UBE2W: variants seen among roughly 807,000 people sequenced by gnomAD.
UBE2W encodes the protein ubiquitin conjugating enzyme E2 W.
A neutral mutation model predicts 27.2 loss-of-function variants in UBE2W; 18 were observed. The observed-to-expected ratio is 0.66, with a 90% CI of 0.46 to 0.98. The LOEUF is 0.98. UBE2W is among the 50% of genes least tolerant of loss of function. UBE2W has a pLI of 0.00. For missense variants in UBE2W, 90 were observed against 180.2 expected (o/e 0.50, Z 2.87); for synonymous variants, 53 against 57.2 (o/e 0.93, Z 0.33).
chr8:73,822,180 A>G (rs1373349096), intron 3 of UBE2W, among the ~76,000 whole-genome samples: 1 of 152,134 alleles, frequency 6.6e-6, no homozygotes, highest in Non-Finnish European at 1.5e-5. Flanking sequence ...TCTCAACTGC[A>G]CAACCCCTAC....
intron 1 of UBE2W, chr8:73,831,277 T>G (rs541263808): frequency 6.7e-4 from 168 of 250,370 alleles, no homozygotes; most frequent in Non-Finnish European, 7.8e-5. Flanking sequence ...GAAGAAAATA[T>G]TTTGTTTTGG....
Position 73,791,490 on chromosome 8 carries a change from G to C in UBE2W, c.*2612C>G, listed in dbSNP as rs1488747694. ...GTGCCCCACGAGGAAATGCAGGGAG[G>C]AGGCAAGTAGCATATTCCTATATAC... On this transcript the variant is annotated 3_prime_UTR_variant, in exon 6 of 6. Coordinates refer to ENST00000602593, the MANE Select transcript of UBE2W (RefSeq NM_018299.6). 2.0e-6 allele frequency: 2 copies of C among 985,230 alleles called. No homozygotes were observed. Among genetic ancestry groups the C allele is most frequent in the Non-Finnish European group, 2.4e-6 (2 of 829,824 alleles). 61.0% of individuals were successfully genotyped at this position (985,230 alleles called of 1,614,324 possible).
At position 73,871,315 on chromosome 8, in the gene UBE2W, A is replaced by G. The variant is rs199640091; in HGVS notation, c.15+7493T>C. 2.2e-4 allele frequency among the ~76,000 whole-genome samples: 34 copies of G among 152,354 alleles called. 1 individual carries two copies. The East Asian group carries it at 6.4e-3, about 29-fold the overall frequency. ...GAGCAAATGGAATGAAGTTGCCTAT[A>G]TACCAACATGGGGAGTACTACAGAA... On this transcript the variant is annotated intron_variant, in intron 1 of 5. Coordinates refer to ENST00000602593, the MANE Select transcript of UBE2W (RefSeq NM_018299.6).
intron 2 of UBE2W, among the ~76,000 whole-genome samples, chr8:73,830,140 T>C (rs1810012160): frequency 6.8e-6 from 1 of 146,306 alleles, no homozygotes; most frequent in Non-Finnish European, 1.5e-5. Flanking sequence ...TTAAACAAAA[T>C]TTTTTAAAAA....
chr8:73,811,575 A>C (rs1809156579), intron 3 of UBE2W, among the ~76,000 whole-genome samples: 1 of 152,190 alleles, frequency 6.6e-6, no homozygotes, highest in Non-Finnish European at 1.5e-5. Flanking sequence ...CAAACAAAAA[A>C]ACAAAAGAAC....
rs964917187 is a variant in UBE2W at position 73,859,151 on chromosome 8, C to T, written c.15+19657G>A. Among the ~76,000 whole-genome samples the T allele has an allele frequency of 3.3e-5, 5 of 152,124 alleles. No individual in the cohort carries two copies. The East Asian group carries it at 9.6e-4, about 29-fold the overall frequency. ...CATGGATTTTCTTCTGCCTTTGTCA[C>T]TCCTGAGACAGCAAGACCAAACCCT... is the stretch of plus-strand genomic sequence containing the variant. On this transcript the variant is annotated intron_variant, in intron 1 of 5. Transcript: ENST00000602593.
chr8:73,869,367 G>C (rs1049521046), intron 1 of UBE2W, among the ~76,000 whole-genome samples: 1 of 152,100 alleles, frequency 6.6e-6, no homozygotes, highest in Non-Finnish European at 1.5e-5. Flanking sequence ...GACCAGCCTG[G>C]CCAACATGGT....
chr8:73,832,571 T>C (rs1453438827), intron 1 of UBE2W, among the ~76,000 whole-genome samples: 2 of 152,252 alleles, frequency 1.3e-5, no homozygotes, highest in African/African-American at 4.8e-5. Context: ...AAAGCAGTTA[T>C]GACGAATAGG....
Position 73,790,805 on chromosome 8 carries a change from C to A in UBE2W, c.*3297G>T. 2.0e-6 allele frequency: 2 copies of A among 983,862 alleles called. No homozygotes were observed. The highest frequency in any genetic ancestry group is 2.4e-6 in the Non-Finnish European group (2 of 828,558). The allele number at this position is 983,862 out of a possible 1,614,324, so 60.9% of individuals were successfully genotyped here. ...ACATAACCATTTTCATATCACTACT[C>A]ATTTCCATTATTTACCAATTCATCT... On this transcript the variant is annotated 3_prime_UTR_variant, in exon 6 of 6. Transcript: ENST00000602593.
At position 73,866,285 on chromosome 8, in the gene UBE2W, AAAAAAATATATATATATAT is replaced by A. The variant is rs1286651225; in HGVS notation, c.15+12504_15+12522del. ...ACTTGGTCTAAAAAAAAAAAAAAAA[AAAAAAATATATATATATAT>A]ATATATATATATATACTCAGCAATA... On this transcript the variant is annotated intron_variant, in intron 1 of 5. Coordinates refer to ENST00000602593, the MANE Select transcript of UBE2W (RefSeq NM_018299.6). 1.9e-5 allele frequency among the ~76,000 whole-genome samples: 2 copies of A among 107,852 alleles called. 1 individual carries two copies. Among genetic ancestry groups the A allele is most frequent in the South Asian group, 5.8e-4 (2 of 3,432 alleles). The allele number at this position is 107,852 out of a possible 152,430, so 70.8% of individuals were successfully genotyped here.
At chr8:73,856,640 C>A (rs990191948) in intron 1 of UBE2W, among the ~76,000 whole-genome samples, 1 of 152,104 alleles carries the variant, frequency 6.6e-6, no homozygotes, top group African/African-American at 2.4e-5. Flanking sequence ...CAGGCATGAG[C>A]CACTGTGTCT....
chr8:73,849,614 A>G (rs1438914676), intron 1 of UBE2W, among the ~76,000 whole-genome samples: 1 of 151,798 alleles, frequency 6.6e-6, no homozygotes, highest in African/African-American at 2.4e-5. Flanking sequence ...TCAATCCAAA[A>G]TAAGGAAAGA....
chr8:73,814,763 G>A lies in UBE2W; in HGVS notation c.211-4134C>T, dbSNP rs936718595. Among the ~76,000 whole-genome samples the A allele has an allele frequency of 1.7e-4, 26 of 152,226 alleles. No homozygotes were observed. In the South Asian group the frequency reaches 4.4e-3, roughly 26 times the overall value. ...TCTCAAACTCCTGACCTTGTGATCC[G>A]CCCGCCTCGGCTTCCCAGAGTGCTG... On this transcript the variant is annotated intron_variant, in intron 3 of 5. Transcript: ENST00000602593.
In UBE2W at chr8:73,788,686, T is replaced by C; in HGVS notation, c.*5416A>G. On this transcript the variant is annotated 3_prime_UTR_variant, in exon 6 of 6. Coordinates refer to ENST00000602593, the MANE Select transcript of UBE2W (RefSeq NM_018299.6). ...CCAGAAAATCTGACAAGTGATGTCA[T>C]TTTGAAATCATGCTTTTGCCTTTGA... is the stretch of plus-strand genomic sequence containing the variant. 1 of 985,456 alleles carries C rather than the reference T, an allele frequency of 1.0e-6. No homozygotes were observed. 61.0% of individuals were successfully genotyped at this position (985,456 alleles called of 1,614,324 possible).
intron 1 of UBE2W, among the ~76,000 whole-genome samples, chr8:73,842,738 T>C (rs1057274112): frequency 3.9e-5 from 6 of 152,096 alleles, no homozygotes; most frequent in African/African-American, 1.4e-4. Flanking sequence ...TACTTGGAAA[T>C]GGCAGTGGAG....
At chr8:73,786,203 A>G (rs926120514), downstream of UBE2W, 43 of 985,044 alleles carry the variant, frequency 4.4e-5, no homozygotes, top group African/African-American at 1.9e-4. Flanking sequence ...ACACCTATAA[A>G]AAAAGCCAAA....
chr8:73,790,497 C>T lies in UBE2W; in HGVS notation c.*3605G>A. Reference sequence around the variant, plus strand: ...TCAGTTCTTTTTGAAAAGCAATTTACATACACAATTACAAATAATTGTAAA... The same window carrying T: ...TCAGTTCTTTTTGAAAAGCAATTTATATACACAATTACAAATAATTGTAAA... On this transcript the variant is annotated 3_prime_UTR_variant, in exon 6 of 6. Coordinates refer to ENST00000602593, the MANE Select transcript of UBE2W (RefSeq NM_018299.6). The T allele has an allele frequency of 1.0e-6, 1 of 984,454 alleles. No homozygotes were observed. The highest frequency in any genetic ancestry group is 1.7e-5 in the African/African-American group (1 of 57,304). 61.0% of individuals were successfully genotyped at this position (984,454 alleles called of 1,614,324 possible). A position where few individuals can be genotyped will look rare whatever the true frequency, so the allele number is the denominator to read the frequency against.
intron 1 of UBE2W, among the ~76,000 whole-genome samples, chr8:73,867,684 C>A (rs1181432257): frequency 1.4e-5 from 2 of 148,100 alleles, no homozygotes; most frequent in South Asian, 2.1e-4. Flanking sequence ...GCCACTCCAG[C>A]GTGAGTGACG....
chr8:73,874,662 A>T (rs1357019490), intron 1 of UBE2W, among the ~76,000 whole-genome samples: 2 of 152,208 alleles, frequency 1.3e-5, no homozygotes, highest in Non-Finnish European at 2.9e-5. Context: ...GCTACAAGAA[A>T]CTTTTCATGT....
Sources: allele counts gnomAD v4.1 joint callset (sites outside exome capture counted in the v4.1 genomes callset), GRCh38; gene constraint gnomAD v4.1.1; transcripts MANE v1.5; gene names NCBI Gene and HGNC (gene_info 2026-07-23, HGNC 2026-07-21).